ZYG11A: variants seen among roughly 807,000 people sequenced by gnomAD.
The protein encoded by ZYG11A is zyg-11 family member A, cell cycle regulator, also known as protein zyg-11 homolog A.
A neutral mutation model predicts 77.2 loss-of-function variants in ZYG11A; 62 were observed. The ratio of observed to expected loss-of-function variants is 0.80; its 90% CI spans 0.65 to 0.99. The LOEUF is 0.99. ZYG11A is among the 50% of genes least tolerant of loss of function. The pLI, the probability that ZYG11A is intolerant of heterozygous loss-of-function variation, is 0.00. For missense variants in ZYG11A, 828 were observed against 896.8 expected (o/e 0.92, Z 0.98); for synonymous variants, 315 against 324.6 (o/e 0.97, Z 0.32).
chr1:52,890,454 G>A (rs2150025033), intron 13 of ZYG11A, among the ~76,000 whole-genome samples: 1 of 150,588 alleles, frequency 6.6e-6, no homozygotes, highest in Non-Finnish European at 1.5e-5. Flanking sequence ...GCCATTCTGG[G>A]TCTCAAAGTC....
At chr1:52,889,314 A>G (rs1646500161) in intron 13 of ZYG11A, among the ~76,000 whole-genome samples, 1 of 151,980 alleles carries the variant, frequency 6.6e-6, no homozygotes, top group African/African-American at 2.4e-5. Context: ...CCCCAAAAAG[A>G]GCAACCCTTA....
At position 52,885,889 on chromosome 1, in the gene ZYG11A, C is replaced by CT. The variant is rs1485317809; in HGVS notation, c.2002dup (p.Tyr668LeufsTer2). On this transcript the variant is annotated frameshift_variant, in exon 12 of 14. Transcript: ENST00000371528. LOFTEE classifies it high-confidence loss of function. Reference sequence around the variant, plus strand: ...GTTGTAAGATGACAGCATTGGTGACCTATAGGTAATTTCATGGTGTTGTGC... The same window carrying CT: ...GTTGTAAGATGACAGCATTGGTGACCTTATAGGTAATTTCATGGTGTTGTGC... The CT allele has an allele frequency of 1.9e-6, 3 of 1,540,614 alleles. No homozygotes were observed. The highest frequency in any genetic ancestry group is 1.8e-6 in the Non-Finnish European group (2 of 1,142,682).
intron 1 of ZYG11A, among the ~76,000 whole-genome samples, chr1:52,846,640 A>G (rs1362841366): frequency 2.0e-5 from 3 of 151,818 alleles, no homozygotes; most frequent in Non-Finnish European, 2.9e-5. Flanking sequence ...CGCCCGGCCA[A>G]TTATGGCTAT....
Position 52,857,041 on chromosome 1 carries a change from A to G in ZYG11A, c.300A>G (p.Gln100=), listed in dbSNP as rs915479058. Residue 100 remains glutamine (Q), a synonymous_variant, in exon 3 of 14, where the codon CAA becomes CAG. Transcript: ENST00000371528. ...CAGCCAGCATTTTCCGAGGCAACCA[A>G]ATGAAACTGAAGCTGGTCAATATCC... ...DRTASIFRGN[Q]MKLKLVNIQK... is the part of the protein sequence containing the mutation. The G allele has an allele frequency of 3.2e-6, 5 of 1,547,520 alleles. No individual in the cohort carries two copies. The African/African-American group carries it at 6.9e-5, about 21-fold the overall frequency.
intron 10 of ZYG11A, among the ~76,000 whole-genome samples, chr1:52,880,066 CTTTTTTTTT>C (rs10682296): frequency 2.7e-5 from 3 of 110,132 alleles, no homozygotes; most frequent in African/African-American, 7.4e-5. Flanking sequence ...ACCCAGCCCA[CTTTTTTTTT>C]TTTTTTTTTT....
At position 52,865,709 on chromosome 1, in the gene ZYG11A, A is replaced by G. The variant is rs184948359; in HGVS notation, c.1327-794A>G. ...ATGTTGAGCAAAACAGGCCAAACTC[A>G]AAAGAGCAGAAGTACATGATTCCAT... On this transcript the variant is annotated intron_variant, in intron 5 of 13. Coordinates refer to ENST00000371528, the MANE Select transcript of ZYG11A (RefSeq NM_001004339.3). 1.5e-3 allele frequency among the ~76,000 whole-genome samples: 233 copies of G among 152,294 alleles called. 1 individual carries two copies. Among genetic ancestry groups the G allele is most frequent in the African/African-American group, 5.1e-3 (211 of 41,570 alleles).
At chr1:52,864,268 C>T in intron 5 of ZYG11A, 111 bp downstream of exon 5, 3 of 1,114,868 alleles carry the variant, frequency 2.7e-6, no homozygotes, top group Non-Finnish European at 3.8e-6. Context: ...TTTTTAAAGA[C>T]AGAGTCTCTC....
intron 12 of ZYG11A, 132 bp downstream of exon 12, chr1:52,886,026 G>T: frequency 1.6e-6 from 1 of 608,494 alleles, no homozygotes; most frequent in Non-Finnish European, 2.7e-6. Flanking sequence ...TCCACCTCCC[G>T]GGTTCACGCC....
chr1:52,867,866 G>T, intron 8 of ZYG11A, 89 bp downstream of exon 8: 2 of 1,085,914 alleles, frequency 1.8e-6, no homozygotes, highest in Non-Finnish European at 2.6e-6. Context: ...CATTCCAAAA[G>T]GCCTATTAAG....
intron 5 of ZYG11A, among the ~76,000 whole-genome samples, chr1:52,866,076 T>C (rs553576714): frequency 6.6e-6 from 1 of 151,802 alleles, no homozygotes; most frequent in South Asian, 2.1e-4. Context: ...TAGCTGGGAC[T>C]ACAGGCACCC....
rs928604641 is a variant in ZYG11A, at chr1:52,881,459, T to C, written c.1750-12T>C. On this transcript the variant is annotated splice_polypyrimidine_tract_variant and intron_variant, in intron 10 of 13. Transcript: ENST00000371528. ...CTTGTCTCTGGGGTTCTCTGCTCCA[T>C]CTGACCTGTAGAACAACATAGCAGA... The C allele has an allele frequency of 2.3e-5, 35 of 1,534,562 alleles. No individual in the cohort carries two copies. In the African/African-American group the frequency reaches 4.7e-4, roughly 21 times the overall value.
In ZYG11A at chr1:52,856,980, G is replaced by T; in HGVS notation, c.257-18G>T. ...GAGATCTAGTTGTCATTACAAGTTG[G>T]TTCTGGTTCTTTCATAGGCAAGCTG... On this transcript the variant is annotated intron_variant, in intron 2 of 13. Transcript: ENST00000371528. 3 of 1,512,722 alleles carry T rather than the reference G, an allele frequency of 2.0e-6. No individual in the cohort carries two copies. The South Asian group carries it at 3.9e-5, about 19-fold the overall frequency. The allele number at this position is 1,512,722 out of a possible 1,614,324, so 93.7% of individuals were successfully genotyped here.
At chr1:52,879,832 G>A (rs1265456222) in intron 10 of ZYG11A, among the ~76,000 whole-genome samples, 1 of 149,188 alleles carries the variant, frequency 6.7e-6, no homozygotes, top group African/African-American at 2.5e-5. Flanking sequence ...GTGTGATCTC[G>A]GCTCACTGCA....
At chr1:52,857,779 C>T (rs1231414001) in intron 3 of ZYG11A, 30 bp downstream of exon 3, 1 of 1,498,090 alleles carries the variant, frequency 6.7e-7, no homozygotes, top group African/African-American at 1.4e-5. Flanking sequence ...AGTTTTGTTT[C>T]ATTTGTTTAG....
rs1398956135 is a variant in ZYG11A at position 52,856,232 on chromosome 1, T to C, written c.257-766T>C. Among the ~76,000 whole-genome samples the C allele has an allele frequency of 3.3e-5, 5 of 152,274 alleles. No individual in the cohort carries two copies. The East Asian group carries it at 5.8e-4, about 18-fold the overall frequency. ...GGTGTTGGTATTTACCTGGTATGCC[T>C]CCCTATACTGAATTCCTTGTGGTCA... On this transcript the variant is annotated intron_variant, in intron 2 of 13. Coordinates refer to ENST00000371528, the MANE Select transcript of ZYG11A (RefSeq NM_001004339.3).
Position 52,867,598 on chromosome 1 carries a change from A to G in ZYG11A, c.1451A>G (p.Gln484Arg), listed in dbSNP as rs1467809285. ...WLCKHENPKM[Q>R]TMAVSVTSIL... The stretch of plus-strand genomic sequence containing the variant: ...TGTAAGCATGAAAACCCCAAGATGC[A>G]AACAATGGCAGTGAGTGTCACCTCT... The change falls in exon 7 of 14, where the codon CAA (glutamine) becomes CGA (arginine). Residue 484 changes from glutamine to arginine, a missense_variant. Coordinates refer to ENST00000371528, the MANE Select transcript of ZYG11A (RefSeq NM_001004339.3). The G allele has an allele frequency of 1.9e-6, 3 of 1,552,340 alleles. No homozygotes were observed. Among genetic ancestry groups the G allele is most frequent in the Non-Finnish European group, 8.7e-7 (1 of 1,147,128 alleles).
chr1:52,871,551 C>T (rs1646166187), intron 8 of ZYG11A, among the ~76,000 whole-genome samples: 1 of 150,798 alleles, frequency 6.6e-6, no homozygotes, highest in Non-Finnish European at 1.5e-5. Context: ...GCTGGAAGTG[C>T]ACTGGCGCCA....
At chr1:52,872,902 AAAGAAAAG>A (rs1409691043) in intron 8 of ZYG11A, among the ~76,000 whole-genome samples, 3 of 144,756 alleles carry the variant, frequency 2.1e-5, no homozygotes, top group Non-Finnish European at 4.5e-5. Flanking sequence ...AAAAAAAAGA[AAAGAAAAG>A]AAAGAAAGAA....
At chr1:52,867,410 A>C in intron 6 of ZYG11A, 129 bp from the exon 7 acceptor site, 1 of 659,520 alleles carries the variant, frequency 1.5e-6, no homozygotes, top group Non-Finnish European at 2.6e-6. Flanking sequence ...CTTGGTTTTC[A>C]TAGCTGAGGA....
Sources: allele counts gnomAD v4.1 joint callset (sites outside exome capture counted in the v4.1 genomes callset), GRCh38; gene constraint gnomAD v4.1.1; transcripts MANE v1.5; gene names NCBI Gene and HGNC (gene_info 2026-07-23, HGNC 2026-07-21).